ZNF420: variants seen among roughly 807,000 people sequenced by gnomAD.
ZNF420 encodes the protein zinc finger protein 420, also known as ATM and p53-associated KZNF protein.
Under a neutral mutation model 44.7 loss-of-function variants are expected in ZNF420, and 31 were observed. The ratio of observed to expected loss-of-function variants is 0.69; its 90% CI spans 0.52 to 0.94. ZNF420 has a LOEUF of 0.94. ZNF420 is among the 40% of genes least tolerant of loss of function. The probability of loss-of-function intolerance (pLI) is 0.00; values close to 1 mark genes in which losing one functional copy is unlikely to be tolerated. For synonymous variants in ZNF420, 245 were observed against 267.4 expected (o/e 0.92, Z 0.82); for missense variants, 681 against 827.9 (o/e 0.82, Z 2.18).
chr19:37,027,973 C>T (rs1371676596), intron 1 of ZNF420, among the ~76,000 whole-genome samples: 3 of 152,098 alleles, frequency 2.0e-5, no homozygotes, highest in African/African-American at 4.8e-5. Context: ...ATAGGGTAAT[C>T]ATATGTTTAG....
At position 37,128,991 on chromosome 19, in the gene ZNF420, G is replaced by A. The variant is rs777986254; in HGVS notation, c.2000G>A (p.Ser667Asn). 4 of 1,613,896 alleles carry A rather than the reference G, an allele frequency of 2.5e-6. No individual in the cohort carries two copies. Among genetic ancestry groups the A allele is most frequent in the Non-Finnish European group, 3.4e-6 (4 of 1,179,958 alleles). ...QLTQHQRIHI[S>N]EKSFEYKECG... ...ACTCAACATCAGAGAATTCATATCA[G>A]TGAGAAATCTTTTGAATATAAGGAA... The change falls in exon 5 of 5, where the codon AGT becomes AAT. Residue 667 changes from serine (S) to asparagine (N), a missense_variant. Physicochemically the swap from Ser to Asn is conservative, Grantham distance 46. Around this residue, in one of 3 missense-constraint regions of ZNF420, gnomAD observed 280 missense variants for 338.6 expected, o/e 0.83. Coordinates refer to ENST00000337995, the MANE Select transcript of ZNF420 (RefSeq NM_144689.5).
At chr19:37,019,231 T>C (rs554227621) in intron 1 of ZNF420, among the ~76,000 whole-genome samples, 1 of 152,248 alleles carries the variant, frequency 6.6e-6, no homozygotes, top group South Asian at 2.1e-4. Flanking sequence ...AATACAAAAA[T>C]TATTTCTCCA....
intron 4 of ZNF420, among the ~76,000 whole-genome samples, chr19:37,125,447 T>G (rs1483420808): frequency 3.9e-5 from 6 of 152,132 alleles, no homozygotes; most frequent in Admixed American, 3.9e-4. Context: ...TTTCTATGTG[T>G]AAGGAAGTTA....
In ZNF420 at chr19:37,129,870, A is replaced by T; in HGVS notation, c.*812A>T. ...GATCCAAAGTCTAATAAATCTAGGAATTTTTTAAAAACTTGAATGTATTGC... is the reference window on the plus strand; with the variant it reads ...GATCCAAAGTCTAATAAATCTAGGATTTTTTTAAAAACTTGAATGTATTGC... On this transcript the variant is annotated 3_prime_UTR_variant, in exon 5 of 5. Transcript: ENST00000337995. The T allele has an allele frequency of 1.0e-6, 1 of 959,874 alleles. No individual in the cohort carries two copies. Among genetic ancestry groups the T allele is most frequent in the Non-Finnish European group, 1.4e-6 (1 of 693,306 alleles). 59.5% of individuals were successfully genotyped at this position (959,874 alleles called of 1,614,324 possible).
intron 1 of ZNF420, among the ~76,000 whole-genome samples, chr19:37,054,712 C>T (rs2011475): frequency 0.33 from 49,668 of 152,056 alleles, 8,335 homozygotes; most frequent in Non-Finnish European, 0.35. Flanking sequence ...CACTGTCATG[C>T]GCTGCCATGC....
chr19:37,047,258 T>G (rs182646990), intron 1 of ZNF420, among the ~76,000 whole-genome samples: 2 of 152,298 alleles, frequency 1.3e-5, no homozygotes, highest in African/African-American at 2.4e-5. Context: ...AGTAGGGCCT[T>G]TAGGAAGTAA....
chr19:37,112,221 C>T (rs1255988044), intron 4 of ZNF420, among the ~76,000 whole-genome samples: 3 of 151,934 alleles, frequency 2.0e-5, no homozygotes, highest in Non-Finnish European at 2.9e-5. Context: ...ACTTTAATGC[C>T]ATTTTCATTT....
intron 1 of ZNF420, among the ~76,000 whole-genome samples, chr19:37,021,509 C>T (rs1337359507): frequency 3.3e-5 from 5 of 152,054 alleles, no homozygotes; most frequent in Non-Finnish European, 4.4e-5. Context: ...TCAGGTGATC[C>T]GCCTGCCTCA....
At chr19:37,013,217 C>T (rs553127094) in intron 1 of ZNF420, among the ~76,000 whole-genome samples, 6 of 152,202 alleles carry the variant, frequency 3.9e-5, no homozygotes, top group African/African-American at 1.2e-4. Context: ...GCACCTTACT[C>T]GCCTCTCACT....
At chr19:37,011,883 C>A (rs1179572412) in intron 1 of ZNF420, among the ~76,000 whole-genome samples, 2 of 152,212 alleles carry the variant, frequency 1.3e-5, no homozygotes, top group African/African-American at 2.4e-5. Context: ...TGTCTTCTTG[C>A]AGGAGCCCCA....
intron 1 of ZNF420, among the ~76,000 whole-genome samples, chr19:37,071,735 A>T (rs1424017962): frequency 6.6e-6 from 1 of 152,170 alleles, no homozygotes; most frequent in Non-Finnish European, 1.5e-5. Context: ...CAAGAGGCGG[A>T]GGTTGCAGTG....
intron 1 of ZNF420, among the ~76,000 whole-genome samples, chr19:37,045,787 A>C (rs1424601927): frequency 6.6e-6 from 1 of 152,232 alleles, no homozygotes; most frequent in African/African-American, 2.4e-5. Flanking sequence ...TCTGTCCCAC[A>C]GGCCTAAAAC....
At chr19:37,118,716 A>G (rs1401752137) in intron 4 of ZNF420, among the ~76,000 whole-genome samples, 7 of 151,898 alleles carry the variant, frequency 4.6e-5, no homozygotes, top group African/African-American at 1.7e-4. Flanking sequence ...TGCTGTATTC[A>G]GGAAACCCAT....
rs775715557 is a variant in ZNF420 at position 37,129,036 on chromosome 19, A to G, written c.2045A>G (p.His682Arg). 4 of 1,611,868 alleles carry G rather than the reference A, an allele frequency of 2.5e-6. No individual in the cohort carries two copies. The highest frequency in any genetic ancestry group is 2.2e-5 in the East Asian group (1 of 44,832). Residue 682 changes from histidine to arginine, a missense_variant, in exon 5 of 5, where the codon CAT becomes CGT. Transcript: ENST00000337995. ...AAGGAATGTGGGATTGACTTTAGTC[A>G]TGGCTCACAAGTTTACATGTGAATT... ...EYKECGIDFS[H>R]GSQVYM
At chr19:37,051,426 A>G (rs1366624062) in intron 1 of ZNF420, among the ~76,000 whole-genome samples, 1 of 152,142 alleles carries the variant, frequency 6.6e-6, no homozygotes, top group Non-Finnish European at 1.5e-5. Flanking sequence ...CAGAGATTCA[A>G]CGTCTTCCTG....
intron 1 of ZNF420, among the ~76,000 whole-genome samples, chr19:37,032,439 A>T (rs557108818): frequency 4.6e-4 from 67 of 145,484 alleles, no homozygotes; most frequent in Non-Finnish European, 8.7e-4. Context: ...TGGGAGGTGG[A>T]GGTTGCAGTG....
At chr19:37,009,418 C>T (rs1188527261) in intron 1 of ZNF420, among the ~76,000 whole-genome samples, 6 of 152,302 alleles carry the variant, frequency 3.9e-5, no homozygotes, top group African/African-American at 1.4e-4. Context: ...CACCTGTGCC[C>T]CCCTTCCACC....
chr19:37,095,177 A>G lies in ZNF420; in HGVS notation c.136+4056A>G, dbSNP rs1671993912. Among the ~76,000 whole-genome samples the G allele has an allele frequency of 2.0e-5, 3 of 152,226 alleles. No homozygotes were observed. In the South Asian group the frequency reaches 6.2e-4, roughly 32 times the overall value. ...TATCTTTGTTGATTTGTAGATGAAA[A>G]ACAGAAGAACATTTCTGCCATTGCC... is the stretch of plus-strand genomic sequence containing the variant. On this transcript the variant is annotated intron_variant, in intron 4 of 4. Coordinates refer to ENST00000337995, the MANE Select transcript of ZNF420 (RefSeq NM_144689.5).
chr19:37,087,706 C>A (rs1399423450), intron 2 of ZNF420, among the ~76,000 whole-genome samples: 1 of 152,126 alleles, frequency 6.6e-6, no homozygotes, highest in African/African-American at 2.4e-5. Context: ...AGTGCAGTGG[C>A]GCGATCTCGG....
Sources: allele counts gnomAD v4.1 joint callset (sites outside exome capture counted in the v4.1 genomes callset), GRCh38; gene constraint gnomAD v4.1.1; regional missense constraint gnomAD v4.1.1; transcripts MANE v1.5; gene names NCBI Gene and HGNC (gene_info 2026-07-23, HGNC 2026-07-21).